The following LARGE1 variants were observed in gnomAD, a reference collection of about 807,000 sequenced individuals.
LARGE1 encodes the protein xylosyl- and glucuronyltransferase LARGE1.
Under a neutral mutation model 87.6 loss-of-function variants are expected in LARGE1, and 43 were observed. The observed-to-expected ratio is 0.49, with a 90% CI of 0.38 to 0.63. The LOEUF (loss-of-function observed/expected upper bound fraction) is 0.63, where lower values mean the gene tolerates loss of function less well. Among genes scored for constraint, LARGE1 ranks in the 30% least tolerant of loss-of-function variants. LARGE1 has a pLI of 0.00. For synonymous variants in LARGE1, 434 were observed against 394.6 expected (o/e 1.10, Z -1.18); for missense variants, 802 against 1,000.2 (o/e 0.80, Z 2.67).
chr22:33,660,986 A>G (rs1461378253), intron 2 of LARGE1, among the ~76,000 whole-genome samples: 1 of 152,150 alleles, frequency 6.6e-6, no homozygotes, highest in Non-Finnish European at 1.5e-5. Context: ...ATCATATTTT[A>G]CAGTAAAAAT....
chr22:33,297,966 C>T (rs544994626), intron 12 of LARGE1, among the ~76,000 whole-genome samples: 72 of 117,738 alleles, frequency 6.1e-4, no homozygotes, highest in African/African-American at 1.9e-3. Context: ...GGGACAAGGG[C>T]GAGACATCAT....
At chr22:33,570,009 G>A (rs898908555) in intron 5 of LARGE1, among the ~76,000 whole-genome samples, 3 of 152,230 alleles carry the variant, frequency 2.0e-5, no homozygotes, top group South Asian at 2.1e-4. Context: ...TAAAATCCAG[G>A]GTCAGGACAG....
At chr22:33,466,454 T>A (rs2068613319) in intron 6 of LARGE1, among the ~76,000 whole-genome samples, 1 of 150,854 alleles carries the variant, frequency 6.6e-6, no homozygotes, top group Admixed American at 6.6e-5. Flanking sequence ...TAGGACCTGG[T>A]GGGAATATAG....
At chr22:33,893,792 T>C (rs2065064594) in intron 1 of LARGE1, among the ~76,000 whole-genome samples, 1 of 152,282 alleles carries the variant, frequency 6.6e-6, no homozygotes, top group East Asian at 1.9e-4. Flanking sequence ...TCAGGTATCA[T>C]GGGAACACCA....
chr22:33,397,256 C>T (rs2065780624), intron 7 of LARGE1, among the ~76,000 whole-genome samples: 1 of 152,156 alleles, frequency 6.6e-6, no homozygotes. Context: ...GCTGGGATAA[C>T]AGGCATGTGC....
At chr22:33,642,913 C>A (rs1449158549) in intron 3 of LARGE1, among the ~76,000 whole-genome samples, 2 of 151,988 alleles carry the variant, frequency 1.3e-5, no homozygotes, top group Non-Finnish European at 2.9e-5. Context: ...TCTTAGATAT[C>A]TACAAAGAGA....
intron 2 of LARGE1, among the ~76,000 whole-genome samples, chr22:33,703,936 CA>C (rs2082478325): frequency 6.6e-6 from 1 of 152,148 alleles, no homozygotes; most frequent in Admixed American, 6.6e-5. Context: ...GGAAGAACAT[CA>C]GAAAAATGAA....
intron 9 of LARGE1, among the ~76,000 whole-genome samples, chr22:33,376,035 T>C (rs1426547510): frequency 6.6e-6 from 1 of 152,244 alleles, no homozygotes; most frequent in Non-Finnish European, 1.5e-5. Flanking sequence ...GAAAAGCCAA[T>C]ATCACCGTAG....
chr22:33,282,531 G>C (rs1203813527), intron 13 of LARGE1, among the ~76,000 whole-genome samples: 1 of 152,170 alleles, frequency 6.6e-6, no homozygotes, highest in Non-Finnish European at 1.5e-5. Context: ...CTCCTGTGCG[G>C]TGGCACAGAC....
At chr22:33,719,530 TA>T (rs1418436418) in intron 2 of LARGE1, among the ~76,000 whole-genome samples, 1 of 151,438 alleles carries the variant, frequency 6.6e-6, no homozygotes, top group Non-Finnish European at 1.5e-5. Context: ...TTTATTTATT[TA>T]TTTTTTTGAG....
At chr22:33,607,283 G>A (rs1025932212) in intron 4 of LARGE1, among the ~76,000 whole-genome samples, 38 of 151,910 alleles carry the variant, frequency 2.5e-4, no homozygotes, top group Non-Finnish European at 4.4e-5. Context: ...CCAACATGGC[G>A]AAACCCTGTC....
chr22:33,368,997 G>A (rs2064703535), intron 9 of LARGE1, among the ~76,000 whole-genome samples: 1 of 152,126 alleles, frequency 6.6e-6, no homozygotes, highest in South Asian at 2.1e-4. Context: ...GGTTGGGGTG[G>A]TTGTGGCCAA....
chr22:33,643,204 C>T (rs895005585), intron 3 of LARGE1, among the ~76,000 whole-genome samples: 1 of 151,816 alleles, frequency 6.6e-6, no homozygotes, highest in Admixed American at 6.6e-5. Flanking sequence ...GTCTCTCAGA[C>T]CACAGTGCAA....
intron 2 of LARGE1, among the ~76,000 whole-genome samples, chr22:33,703,133 T>C (rs111264704): frequency 0.037 from 5,560 of 149,904 alleles, 149 homozygotes; most frequent in Non-Finnish European, 0.059. Flanking sequence ...TAAATGGGAG[T>C]TGAACAATGA....
At chr22:33,670,861 C>T (rs548853588) in intron 2 of LARGE1, among the ~76,000 whole-genome samples, 5 of 152,170 alleles carry the variant, frequency 3.3e-5, no homozygotes, top group Middle Eastern at 3.4e-3. Flanking sequence ...TATATGTATC[C>T]TTTTTTTCAG....
intron 4 of LARGE1, among the ~76,000 whole-genome samples, chr22:33,608,910 TAACATAATA>T (rs1234924925): frequency 1.3e-5 from 2 of 152,156 alleles, no homozygotes; most frequent in Non-Finnish European, 2.9e-5. Flanking sequence ...GAGGATAAAA[TAACATAATA>T]AACATAAAGT....
intron 2 of LARGE1, among the ~76,000 whole-genome samples, chr22:33,740,108 G>A (rs2083822343): frequency 6.6e-6 from 1 of 152,146 alleles, no homozygotes; most frequent in South Asian, 2.1e-4. Context: ...TCAGCACACA[G>A]ACCTTGACCA....
At chr22:33,294,965 G>C (rs1253737758) in intron 12 of LARGE1, among the ~76,000 whole-genome samples, 1 of 152,174 alleles carries the variant, frequency 6.6e-6, no homozygotes, top group Non-Finnish European at 1.5e-5. Flanking sequence ...TAACTTCTGT[G>C]TTTTAATCTC....
chr22:33,353,821 G>A (rs1327155488), intron 9 of LARGE1, among the ~76,000 whole-genome samples: 1 of 152,232 alleles, frequency 6.6e-6, no homozygotes. Context: ...TAAGGTCACA[G>A]AGTCAGCACC....
Sources: allele counts gnomAD v4.1 joint callset (sites outside exome capture counted in the v4.1 genomes callset), GRCh38; gene constraint gnomAD v4.1.1; transcripts MANE v1.5; gene names NCBI Gene and HGNC (gene_info 2026-07-23, HGNC 2026-07-21).